ERCC6: variants seen among roughly 807,000 people sequenced by gnomAD.
ERCC6 encodes the protein DNA excision repair protein ERCC-6.
ERCC6 carries 116 observed loss-of-function variants against 158.7 expected under a neutral mutation model. The ratio of observed to expected loss-of-function variants is 0.73; its 90% CI spans 0.63 to 0.85. The LOEUF (loss-of-function observed/expected upper bound fraction) is 0.85, where lower values mean the gene tolerates loss of function less well. ERCC6 is among the 40% of genes least tolerant of loss of function. The pLI, the probability that ERCC6 is intolerant of heterozygous loss-of-function variation, is 0.00. For missense variants in ERCC6, 1,698 were observed against 1,799.4 expected (o/e 0.94, Z 1.02); for synonymous variants, 678 against 659.3 (o/e 1.03, Z -0.43).
rs1850562342 is a variant in ERCC6, at chr10:49,460,431, C to A, written c.4004G>T (p.Arg1335Met). The change falls in exon 20 of 21, where the codon AGG (arginine) becomes ATG (methionine). Residue 1335 changes from arginine (R) to methionine (M), a missense_variant. By Grantham distance (91) the Arg-to-Met change is moderately conservative (BLOSUM62 -1). Coordinates refer to ENST00000355832, the MANE Select transcript of ERCC6 (RefSeq NM_000124.4). Reference sequence around the variant, plus strand: ...ATGCTGCACAGAGAAGTTAGAATTCCTTTTCTTACCAAATCTACTCCTAAA... The same window carrying A: ...ATGCTGCACAGAGAAGTTAGAATTCATTTTCTTACCAAATCTACTCCTAAA... ...AGKKSRFGKK[R>M]NSNFSVQHPS... 1 of 1,613,102 alleles carries A rather than the reference C, an allele frequency of 6.2e-7. No individual in the cohort carries two copies. The highest frequency in any genetic ancestry group is 8.5e-7 in the Non-Finnish European group (1 of 1,179,078).
intron 18 of ERCC6, among the ~76,000 whole-genome samples, chr10:49,468,499 T>C (rs1241888701): frequency 6.6e-6 from 1 of 152,244 alleles, no homozygotes; most frequent in East Asian, 1.9e-4. Flanking sequence ...TTTGTCATTG[T>C]TTTCATTGTT....
At chr10:49,525,556 T>C (rs947024741) in intron 4 of ERCC6, among the ~76,000 whole-genome samples, 1 of 152,056 alleles carries the variant, frequency 6.6e-6, no homozygotes, top group Non-Finnish European at 1.5e-5. Context: ...TCTGGCAAAA[T>C]TACCACATAA....
At chr10:49,475,695 C>T (rs1038243596) in intron 12 of ERCC6, among the ~76,000 whole-genome samples, 1 of 152,154 alleles carries the variant, frequency 6.6e-6, no homozygotes, top group Non-Finnish European at 1.5e-5. Context: ...AAATAAATTA[C>T]TGTCCTACCC....
intron 8 of ERCC6, 109 bp from the exon 9 acceptor site, chr10:49,483,625 A>C: frequency 9.3e-7 from 1 of 1,079,348 alleles, no homozygotes; most frequent in Non-Finnish European, 1.4e-6. Flanking sequence ...CAAACATAAC[A>C]TGCACAATCA....
At chr10:49,524,803 C>T (rs757516474) in intron 4 of ERCC6, 26 bp from the exon 5 acceptor site, 112 of 1,598,828 alleles carry the variant, frequency 7.0e-5, no homozygotes, top group Middle Eastern at 1.6e-4. Context: ...CAATGCGTTT[C>T]GCACTAGCAT....
At position 49,472,423 on chromosome 10, in the gene ERCC6, C is replaced by A. The variant is rs779697013; in HGVS notation, c.2877G>T (p.Val959=). Residue 959 remains valine (V), a synonymous_variant, in exon 16 of 21, where the codon GTG becomes GTT. Coordinates refer to ENST00000355832, the MANE Select transcript of ERCC6 (RefSeq NM_000124.4). ...TGGTGCCCGCAGTCAGGAGCCTGTA[C>A]ACAGTCACTTGCTTCTTCTGGCCTA... ...WRIGQKKQVT[V]YRLLTAGTIE... The A allele has an allele frequency of 5.0e-6, 8 of 1,614,142 alleles. No individual in the cohort carries two copies. Among genetic ancestry groups the A allele is most frequent in the Non-Finnish European group, 5.9e-6 (7 of 1,180,016 alleles).
chr10:49,471,707 G>A (rs1590406968), intron 16 of ERCC6, among the ~76,000 whole-genome samples: 1 of 152,198 alleles, frequency 6.6e-6, no homozygotes, highest in South Asian at 2.1e-4. Context: ...GATCCAACTC[G>A]TCCTCCACCC....
chr10:49,517,933 C>T (rs1837033645), intron 5 of ERCC6, among the ~76,000 whole-genome samples: 1 of 152,186 alleles, frequency 6.6e-6, no homozygotes, highest in African/African-American at 2.4e-5. Flanking sequence ...AAATCTCAAA[C>T]TTTTACTAAA....
At chr10:49,485,611 C>T (rs972099317) in intron 8 of ERCC6, among the ~76,000 whole-genome samples, 166 of 152,172 alleles carry the variant, frequency 1.1e-3, no homozygotes, top group Non-Finnish European at 5.9e-5. Flanking sequence ...TCCACCCTGT[C>T]CAATGGTAGA....
chr10:49,446,049 C>A, the ERCC6 span, among the ~76,000 whole-genome samples: 1 of 152,194 alleles, frequency 6.6e-6, no homozygotes, highest in South Asian at 2.1e-4. Flanking sequence ...TATAAGTTCA[C>A]ATGAGTTTGA....
At chr10:49,528,349 C>A (rs1432702354) in intron 4 of ERCC6, 68 bp downstream of exon 4, 2 of 1,564,550 alleles carry the variant, frequency 1.3e-6, no homozygotes, top group Non-Finnish European at 1.8e-6. Flanking sequence ...TAAAGAGACA[C>A]CCTCCACTGA....
the ERCC6 span, among the ~76,000 whole-genome samples, chr10:49,448,881 A>G: frequency 2.0e-5 from 3 of 152,166 alleles, no homozygotes; most frequent in Non-Finnish European, 4.4e-5. Context: ...CCATTCACCT[A>G]TTGATGTATA....
At chr10:49,475,472 T>C (rs1590410430) in intron 12 of ERCC6, 1 of 433,304 alleles carries the variant, frequency 2.3e-6, no homozygotes, top group Non-Finnish European at 4.6e-6. Context: ...TGGAGATGAA[T>C]AGATGTGAAT....
chr10:49,516,156 G>A (rs375218362), intron 5 of ERCC6: 34 of 1,614,048 alleles, frequency 2.1e-5, no homozygotes, highest in African/African-American at 2.7e-5. Context: ...CTCATGTTTA[G>A]TATTTGGGTT....
chr10:49,517,076 A>G, intron 5 of ERCC6: 1 of 1,606,704 alleles, frequency 6.2e-7, no homozygotes, highest in East Asian at 2.2e-5. Context: ...CTGTCTCTAA[A>G]AGGTCAGTTA....
chr10:49,484,209 A>T (rs1004742302), intron 8 of ERCC6, among the ~76,000 whole-genome samples: 1 of 149,978 alleles, frequency 6.7e-6, no homozygotes, highest in Non-Finnish European at 1.5e-5. Flanking sequence ...TGAGCCCAGG[A>T]GGTCAAGGCT....
At chr10:49,503,158 TA>T (rs1242587879) in intron 6 of ERCC6, 2 of 152,136 alleles carry the variant, frequency 1.3e-5, no homozygotes, top group African/African-American at 4.8e-5. Flanking sequence ...CTCATCAACT[TA>T]ACTAAAGTAG....
intron 5 of ERCC6, chr10:49,516,757 T>G: frequency 3.1e-6 from 5 of 1,614,120 alleles, no homozygotes; most frequent in Non-Finnish European, 4.2e-6. Flanking sequence ...GGTTGTACAG[T>G]TAGGTCGGCT....
chr10:49,499,984 AAC>A (rs1352723491), intron 7 of ERCC6, among the ~76,000 whole-genome samples: 1 of 151,698 alleles, frequency 6.6e-6, no homozygotes, highest in Non-Finnish European at 1.5e-5. Flanking sequence ...TTCATTCAAA[AAC>A]AAGAGAGAGA....
Sources: allele counts gnomAD v4.1 joint callset (sites outside exome capture counted in the v4.1 genomes callset), GRCh38; gene constraint gnomAD v4.1.1; transcripts MANE v1.5; gene names NCBI Gene and HGNC (gene_info 2026-07-23, HGNC 2026-07-21).